Variants in LARGE1 observed in about 807,000 individuals in gnomAD.
LARGE1 encodes LARGE xylosyl- and glucuronyltransferase 1, also known as xylosyl- and glucuronyltransferase LARGE1.
A neutral mutation model predicts 87.6 loss-of-function variants in LARGE1; 43 were observed. That is an observed-to-expected ratio of 0.49 (90% confidence interval 0.38 to 0.63). The LOEUF (loss-of-function observed/expected upper bound fraction) is 0.63. Ranked by LOEUF, LARGE1 falls within the 30% of genes least tolerant of loss-of-function variation. LARGE1 has a pLI of 0.00. For missense variants in LARGE1, 802 were observed against 1,000.2 expected, an observed-to-expected ratio of 0.80 and a Z score of 2.67; for synonymous variants, 434 against 394.6, an observed-to-expected ratio of 1.10 and a Z score of -1.18.
At chr22:33,284,416 T>A (rs557298061) in intron 12 of LARGE1, among the ~76,000 whole-genome samples, 1 of 152,138 alleles carries the variant, frequency 6.6e-6, no homozygotes, top group Non-Finnish European at 1.5e-5. Flanking sequence ...AAGAGAAAGT[T>A]AAAGTCTTGC....
intron 6 of LARGE1, among the ~76,000 whole-genome samples, chr22:33,520,706 T>C (rs1043676872): frequency 6.6e-6 from 1 of 152,196 alleles, no homozygotes; most frequent in African/African-American, 2.4e-5. Flanking sequence ...TAATGCTCTA[T>C]GAGACATGAT....
chr22:33,534,864 A>G lies in LARGE1; in HGVS notation c.787+29984T>C, dbSNP rs575630787. ...TCTTCCCATGGCGCTCCATCTGTAA[A>G]ACCCCCAAAAGATACTGGCAGTGCT... is the stretch of plus-strand genomic sequence containing the variant. On this transcript the variant is annotated intron_variant, in intron 6 of 14. Transcript: ENST00000397394. Among the ~76,000 whole-genome samples the G allele has an allele frequency of 7.2e-5, 11 of 152,248 alleles. No homozygotes were observed. The South Asian group carries it at 2.1e-3, about 29-fold the overall frequency.
At chr22:33,475,436 T>C (rs1375622296) in intron 6 of LARGE1, among the ~76,000 whole-genome samples, 4 of 137,306 alleles carry the variant, frequency 2.9e-5, no homozygotes, top group African/African-American at 3.1e-5. Context: ...ATTTATTTAT[T>C]TATTTATTTA....
the LARGE1 span, among the ~76,000 whole-genome samples, chr22:33,069,979 C>T: frequency 2.0e-3 from 312 of 152,244 alleles, 1 homozygote; most frequent in Middle Eastern, 3.4e-3. Flanking sequence ...CATGCGCCAT[C>T]GCACACCGCT....
At chr22:33,611,814 G>A (rs550106250) in intron 4 of LARGE1, among the ~76,000 whole-genome samples, 82 of 152,336 alleles carry the variant, frequency 5.4e-4, no homozygotes, top group Middle Eastern at 3.4e-3. Flanking sequence ...CCTGGTGGAA[G>A]ATGTCTGGGT....
chr22:33,884,143 T>C (rs746717022), intron 1 of LARGE1, among the ~76,000 whole-genome samples: 5 of 152,214 alleles, frequency 3.3e-5, no homozygotes, highest in Non-Finnish European at 5.9e-5. Flanking sequence ...CCACACCACC[T>C]GTCTCACCTT....
the LARGE1 span, among the ~76,000 whole-genome samples, chr22:33,085,144 C>T: frequency 5.3e-5 from 8 of 152,136 alleles, no homozygotes; most frequent in Non-Finnish European, 8.8e-5. Flanking sequence ...GGTGTGGTGG[C>T]GGGCACCTGT....
At chr22:33,661,263 T>C (rs1394827295) in intron 2 of LARGE1, among the ~76,000 whole-genome samples, 2 of 151,042 alleles carry the variant, frequency 1.3e-5, no homozygotes, top group African/African-American at 4.9e-5. Context: ...TTGCCCAGGC[T>C]GGAGTACAGG....
At chr22:33,557,250 C>G (rs2077717894) in intron 6 of LARGE1, among the ~76,000 whole-genome samples, 1 of 152,140 alleles carries the variant, frequency 6.6e-6, no homozygotes, top group Admixed American at 6.5e-5. Context: ...ATAATTAAAA[C>G]CTCTTCACCC....
chr22:33,590,425 C>A (rs139971203), intron 5 of LARGE1, among the ~76,000 whole-genome samples: 19 of 152,144 alleles, frequency 1.2e-4, no homozygotes, highest in Non-Finnish European at 2.5e-4. Flanking sequence ...AGAAAAAAAT[C>A]TTACATCATC....
intron 3 of LARGE1, among the ~76,000 whole-genome samples, chr22:33,629,926 C>T (rs982685808): frequency 6.6e-6 from 1 of 152,090 alleles, no homozygotes; most frequent in African/African-American, 2.4e-5. Context: ...TTGCTGTGCG[C>T]GGTGACTCAT....
downstream of LARGE1, among the ~76,000 whole-genome samples, chr22:33,270,070 TCA>T (rs980198852): frequency 2.0e-5 from 3 of 152,070 alleles, no homozygotes; most frequent in South Asian, 2.1e-4. Context: ...CATTAAATAT[TCA>T]CAGTCAGAAA....
chr22:33,730,095 A>C (rs918108662), intron 2 of LARGE1, among the ~76,000 whole-genome samples: 2 of 152,184 alleles, frequency 1.3e-5, no homozygotes, highest in African/African-American at 4.8e-5. Flanking sequence ...ACAAATACAC[A>C]GATTTTCTCT....
chr22:33,637,371 C>G (rs983007548), intron 3 of LARGE1, among the ~76,000 whole-genome samples: 1 of 152,206 alleles, frequency 6.6e-6, no homozygotes, highest in Non-Finnish European at 1.5e-5. Flanking sequence ...GAGAAGGCTA[C>G]TCTGAGGCCA....
chr22:33,847,716 A>G (rs1601765676), intron 1 of LARGE1, among the ~76,000 whole-genome samples: 2 of 152,314 alleles, frequency 1.3e-5, no homozygotes, highest in South Asian at 4.1e-4. Context: ...AAAATTCCCC[A>G]AACATCTTTC....
chr22:33,865,547 G>T (rs1486139299), intron 1 of LARGE1, among the ~76,000 whole-genome samples: 1 of 152,118 alleles, frequency 6.6e-6, no homozygotes, highest in Non-Finnish European at 1.5e-5. Flanking sequence ...TGTGTTTGGG[G>T]CTGACAAATA....
intron 6 of LARGE1, among the ~76,000 whole-genome samples, chr22:33,518,535 C>T (rs1323852848): frequency 6.6e-6 from 1 of 152,230 alleles, no homozygotes. Flanking sequence ...TCTCGAACTC[C>T]TGACCTCAGG....
chr22:33,758,691 G>C (rs1569430343), intron 2 of LARGE1, among the ~76,000 whole-genome samples: 1 of 152,222 alleles, frequency 6.6e-6, no homozygotes, highest in African/African-American at 2.4e-5. Context: ...ATGGTTCTAA[G>C]CTGCCTTCAA....
At chr22:33,152,921 G>A in the LARGE1 span, among the ~76,000 whole-genome samples, 12 of 152,076 alleles carry the variant, frequency 7.9e-5, no homozygotes, top group African/African-American at 2.9e-4. Flanking sequence ...CTGATGGTAA[G>A]TCCACTAGTT....
Sources: gnomAD v4.1 joint callset for allele counts (sites outside exome capture counted in the v4.1 genomes callset) on GRCh38, gnomAD v4.1.1 for gene constraint, MANE v1.5 for transcripts, NCBI Gene and HGNC (gene_info 2026-07-23, HGNC 2026-07-21) for gene names.